FREM2: variants seen among roughly 807,000 people sequenced by gnomAD.
FREM2 encodes the protein FRAS1-related extracellular matrix protein 2.
In FREM2, 119 loss-of-function variants were observed where a neutral mutation model predicts 219.9. The observed-to-expected ratio is 0.54, with a 90% CI of 0.47 to 0.63. The LOEUF (loss-of-function observed/expected upper bound fraction) is 0.63, where lower values mean the gene tolerates loss of function less well. Ranked by LOEUF, FREM2 falls within the 30% of genes least tolerant of loss-of-function variation. The pLI is 0.00. For synonymous variants in FREM2, 1,562 were observed against 1,522.8 expected, an observed-to-expected ratio of 1.03 and a Z score of -0.60; for missense variants, 4,030 against 3,993.6, an observed-to-expected ratio of 1.01 and a Z score of -0.25.
At position 38,689,760 on chromosome 13, in the gene FREM2, G is replaced by T. The variant is rs761958267; in HGVS notation, c.2416G>T (p.Val806Leu). 2 of 1,613,420 alleles carry T rather than the reference G, an allele frequency of 1.2e-6. No individual in the cohort carries two copies. The highest frequency in any genetic ancestry group is 8.5e-7 in the Non-Finnish European group (1 of 1,179,670). ...TCGAGTGGCCCAGTTCCAGTTCCAG[G>T]TGGAAGACCGAGCTGGGAATGTGGC... ...ATRVAQFQFQ[V>L]EDRAGNVAPG... The change falls in exon 1 of 24, where the codon GTG (valine) becomes TTG (leucine). Residue 806 changes from valine (V) to leucine (L), a missense_variant. Physicochemically the swap from Val to Leu is conservative, Grantham distance 32. Transcript: ENST00000280481.
intron 6 of FREM2, among the ~76,000 whole-genome samples, chr13:38,801,262 T>C (rs988006754): frequency 6.6e-6 from 1 of 152,232 alleles, no homozygotes; most frequent in African/African-American, 2.4e-5. Context: ...TTTCTCTCTA[T>C]TGTTTTTCAG....
At chr13:38,870,929 A>G (rs572788404) in intron 16 of FREM2, among the ~76,000 whole-genome samples, 1 of 152,296 alleles carries the variant, frequency 6.6e-6, no homozygotes, top group South Asian at 2.1e-4. Flanking sequence ...CCTAAAACCT[A>G]ATTATTTTTT....
chr13:38,756,978 ATGAGAAT>A, intron 2 of FREM2, among the ~76,000 whole-genome samples: 1 of 152,216 alleles, frequency 6.6e-6, no homozygotes, highest in East Asian at 1.9e-4. Context: ...GTGTCAGGTG[ATGAGAAT>A]TTTTTGATGC....
intron 2 of FREM2, among the ~76,000 whole-genome samples, chr13:38,714,152 A>G (rs1459114729): frequency 6.6e-6 from 1 of 152,256 alleles, no homozygotes; most frequent in Non-Finnish European, 1.5e-5. Context: ...TGAGCAGTGT[A>G]AAGCACCGTG....
chr13:38,823,991 C>A (rs1317904042), intron 6 of FREM2, among the ~76,000 whole-genome samples: 1 of 152,084 alleles, frequency 6.6e-6, no homozygotes, highest in South Asian at 2.1e-4. Flanking sequence ...GAGAATGAGG[C>A]CGTGTTTCAA....
At chr13:38,703,549 T>C (rs1418143670) in intron 2 of FREM2, among the ~76,000 whole-genome samples, 1 of 152,162 alleles carries the variant, frequency 6.6e-6, no homozygotes, top group Admixed American at 6.5e-5. Context: ...ATAGATCAAG[T>C]CATCAGGGTG....
chr13:38,812,362 G>T (rs1566150967), intron 6 of FREM2, among the ~76,000 whole-genome samples: 1 of 152,042 alleles, frequency 6.6e-6, no homozygotes, highest in Non-Finnish European at 1.5e-5. Flanking sequence ...ATGTCTGGTT[G>T]TCGGGTCTTT....
In FREM2 at chr13:38,874,560, A is replaced by G. The variant is rs750296062; in HGVS notation, c.8255A>G (p.His2752Arg). 1.2e-6 allele frequency: 2 copies of G among 1,614,112 alleles called. No individual in the cohort carries two copies. The highest frequency in any genetic ancestry group is 1.1e-5 in the South Asian group (1 of 91,086). The change falls in exon 18 of 24, where the codon CAT becomes CGT. Residue 2752 changes from histidine to arginine, a missense_variant. His to Arg is a conservative substitution (Grantham distance 29, BLOSUM62 0). Around this residue, in one of 2 missense-constraint regions of FREM2, gnomAD observed 928 missense variants for 1,042.9 expected, o/e 0.89. Coordinates refer to ENST00000280481, the MANE Select transcript of FREM2 (RefSeq NM_207361.6). The part of the protein sequence containing the change: ...AVHFKTEAQF[H>R]GLFVLSHPAS... ...CACTTCAAGACAGAGGCTCAGTTCC[A>G]TGGCTTATTTGTGCTGTCACATCCC...
At chr13:38,734,398 A>T (rs1296980664) in intron 2 of FREM2, among the ~76,000 whole-genome samples, 8 of 152,170 alleles carry the variant, frequency 5.3e-5, no homozygotes, top group African/African-American at 1.4e-4. Context: ...CAGCTATGAA[A>T]TACTTTATAT....
intron 4 of FREM2, among the ~76,000 whole-genome samples, chr13:38,775,099 G>A (rs949817392): frequency 6.6e-6 from 1 of 152,130 alleles, no homozygotes; most frequent in Non-Finnish European, 1.5e-5. Flanking sequence ...ATATTAATGA[G>A]TACAAAGAAA....
In FREM2 at chr13:38,764,453, A is replaced by T; in HGVS notation, c.5410+3A>T. 1 of 1,495,600 alleles carries T rather than the reference A, an allele frequency of 6.7e-7. No individual in the cohort carries two copies. Among genetic ancestry groups the T allele is most frequent in the South Asian group, 1.2e-5 (1 of 82,796 alleles). The allele number at this position is 1,495,600 out of a possible 1,614,324, so 92.6% of individuals were successfully genotyped here. A position where few individuals can be genotyped will look rare whatever the true frequency, so the allele number is the denominator to read the frequency against. Reference sequence around the variant, plus strand: ...CTTGGGAGAAACTTCTTTTATAAGTAAGTTTAATTTTTTATTTCTGTTTTA... The same window carrying T: ...CTTGGGAGAAACTTCTTTTATAAGTTAGTTTAATTTTTTATTTCTGTTTTA... On this transcript the variant is annotated splice_donor_region_variant and intron_variant, in intron 3 of 23. Transcript: ENST00000280481.
At chr13:38,728,574 T>A (rs1196017105) in intron 2 of FREM2, among the ~76,000 whole-genome samples, 1 of 151,252 alleles carries the variant, frequency 6.6e-6, no homozygotes, top group East Asian at 1.9e-4. Flanking sequence ...CCCAGCTAAT[T>A]TTTTTTTTCT....
Position 38,688,920 on chromosome 13 carries a change from G to A in FREM2, c.1576G>A (p.Gly526Ser), listed in dbSNP as rs897274644. The A allele has an allele frequency of 1.2e-5, 19 of 1,612,472 alleles. No individual in the cohort carries two copies. Among genetic ancestry groups the A allele is most frequent in the African/African-American group, 1.3e-5 (1 of 74,884 alleles). The change falls in exon 1 of 24, where the codon GGC becomes AGC. Residue 526 changes from glycine (G) to serine (S), a missense_variant. Physicochemically the swap from Gly to Ser is moderately conservative, Grantham distance 56. This residue lies in a region of FREM2 where 3,102 missense variants were observed against 2,950.7 expected (regional missense o/e 1.05). Coordinates refer to ENST00000280481, the MANE Select transcript of FREM2 (RefSeq NM_207361.6). ...QVVYQHDDRD[G>S]SLSDNLVLRM... ...GGTCTACCAGCATGATGACAGAGAC[G>A]GCTCGCTGAGCGACAACCTGGTGCT...
At chr13:38,874,448 T>C in intron 17 of FREM2, 34 bp from the exon 18 acceptor site, 1 of 1,534,874 alleles carries the variant, frequency 6.5e-7, no homozygotes, top group Non-Finnish European at 9.0e-7. Context: ...TCTGGCTACA[T>C]ATATTTTCAT....
At position 38,687,538 on chromosome 13, in the gene FREM2, G is replaced by C. The variant is rs1406328307; in HGVS notation, c.194G>C (p.Gly65Ala). 6.2e-7 allele frequency: 1 copy of C among 1,601,262 alleles called. No individual in the cohort carries two copies. Among genetic ancestry groups the C allele is most frequent in the East Asian group, 2.2e-5 (1 of 44,578 alleles). ...TCCCCTGGTCTCGCGGGGGCTGCAG[G>C]GGTCCCTGCTGAGGAGGCCATAGTG... is the stretch of plus-strand genomic sequence containing the variant. ...LLSPGLAGAA[G>A]VPAEEAIVLA... Residue 65 changes from glycine (G) to alanine (A), a missense_variant, in exon 1 of 24, where the codon GGG (glycine) becomes GCG (alanine). This residue lies in a region of FREM2 where 3,102 missense variants were observed against 2,950.7 expected (regional missense o/e 1.05). Coordinates refer to ENST00000280481, the MANE Select transcript of FREM2 (RefSeq NM_207361.6).
chr13:38,852,788 T>C (rs1485493047), intron 11 of FREM2, among the ~76,000 whole-genome samples: 1 of 150,754 alleles, frequency 6.6e-6, no homozygotes, highest in African/African-American at 2.4e-5. Context: ...CACTGCAGTC[T>C]CCGTGTCTTA....
chr13:38,877,272 CTG>C, intron 21 of FREM2, 29 bp downstream of exon 21: 1 of 1,611,360 alleles, frequency 6.2e-7, no homozygotes, highest in Non-Finnish European at 8.5e-7. Flanking sequence ...GAGGGATGCT[CTG>C]TTTGTCATGT....
chr13:38,859,430 G>A lies in FREM2; in HGVS notation c.7359G>A (p.Val2453=), dbSNP rs115054860. The change falls in exon 14 of 24, where the codon GTG becomes GTA. Residue 2453 remains valine (V), a synonymous_variant. Transcript: ENST00000280481. ...PDGVTSPMRE[V]DFDTFFTSSK... is the part of the protein sequence containing the mutation. ...GTGTGACCAGCCCTATGAGAGAAGT[G>A]GACTTCGACACCTTTTTTACGTCAT... 121 of 1,613,924 alleles carry A rather than the reference G, an allele frequency of 7.5e-5. No individual in the cohort carries two copies. In the East Asian group the frequency reaches 1.6e-3, roughly 22 times the overall value.
At chr13:38,798,409 T>A (rs1308872302) in intron 6 of FREM2, among the ~76,000 whole-genome samples, 1 of 152,150 alleles carries the variant, frequency 6.6e-6, no homozygotes, top group Non-Finnish European at 1.5e-5. Flanking sequence ...ATCAGGGATA[T>A]TGGCCTATAG....
Sources: gnomAD v4.1 joint callset for allele counts (sites outside exome capture counted in the v4.1 genomes callset) on GRCh38, gnomAD v4.1.1 for gene constraint, gnomAD v4.1.1 regional missense constraint, MANE v1.5 for transcripts, NCBI Gene and HGNC (gene_info 2026-07-23, HGNC 2026-07-21) for gene names.